The following SRPRA variants were observed in gnomAD, a reference collection of about 807,000 sequenced individuals.
SRPRA encodes signal recognition particle receptor subunit alpha.
A neutral mutation model predicts 61.1 loss-of-function variants in SRPRA; 30 were observed. The ratio of observed to expected loss-of-function variants is 0.49; its 90% CI spans 0.37 to 0.67. The LOEUF (loss-of-function observed/expected upper bound fraction) is 0.67, where lower values mean the gene tolerates loss of function less well. Ranked by LOEUF, SRPRA falls within the 30% of genes least tolerant of loss-of-function variation. The pLI is 0.00. For missense variants in SRPRA, 759 were observed against 828.4 expected (o/e 0.92, Z 1.03); for synonymous variants, 324 against 299.7 (o/e 1.08, Z -0.84).
Position 126,268,884 on chromosome 11 carries a change from G to C in SRPRA, c.-80C>G. On this transcript the variant is annotated 5_prime_UTR_variant, in exon 1 of 14. Coordinates refer to ENST00000332118, the MANE Select transcript of SRPRA (RefSeq NM_003139.4). The stretch of plus-strand genomic sequence containing the variant: ...CGCCGCTTCCTGCTGCGCCAAGCGC[G>C]GGACACGTCACACCAGTGGCCCCGG... The C allele has an allele frequency of 8.3e-7, 1 of 1,201,544 alleles. No individual in the cohort carries two copies. The highest frequency in any genetic ancestry group is 1.2e-6 in the Non-Finnish European group (1 of 816,014). The allele number at this position is 1,201,544 out of a possible 1,614,324, so 74.4% of individuals were successfully genotyped here.
At position 126,267,191 on chromosome 11, in the gene SRPRA, CT is replaced by C. The variant is rs759316828; in HGVS notation, c.509del (p.Lys170ArgfsTer33). ...CAAACTTGCCTTCCTTCTTGGCCCC[CT>C]TTTTTTTGCTATTCTTTGCTTTTTC... is the stretch of plus-strand genomic sequence containing the variant. ...PKEKAKNSKK[K>X]GAKKEGSDGP... On this transcript the variant is annotated frameshift_variant, in exon 4 of 14. Transcript: ENST00000332118. LOFTEE classifies it high-confidence loss of function. The surrounding 1 kb of genome is among the most constrained non-coding windows in gnomAD (Gnocchi z 4.2). 5 of 1,612,548 alleles carry C rather than the reference CT, an allele frequency of 3.1e-6. No homozygotes were observed. Among genetic ancestry groups the C allele is most frequent in the Admixed American group, 1.7e-5 (1 of 59,920 alleles).
At chr11:126,251,433 C>T in the SRPRA span, among the ~76,000 whole-genome samples, 1 of 152,148 alleles carries the variant, frequency 6.6e-6, no homozygotes, top group Admixed American at 6.6e-5. Context: ...CAGTATTGCC[C>T]CTGCCAGAGT....
At chr11:126,243,661 T>C in the SRPRA span, among the ~76,000 whole-genome samples, 1 of 152,044 alleles carries the variant, frequency 6.6e-6, no homozygotes, top group Non-Finnish European at 1.5e-5. Context: ...CCTAGCACTT[T>C]GGGAAGCCAA....
At position 126,267,235 on chromosome 11, in the gene SRPRA, G is replaced by T; in HGVS notation, c.466C>A (p.Arg156=). The T allele has an allele frequency of 1.9e-6, 3 of 1,613,770 alleles. No homozygotes were observed. The highest frequency in any genetic ancestry group is 2.5e-6 in the Non-Finnish European group (3 of 1,180,000). ...KKPVRSMIET[R]GEKPKEKAKN... is the part of the protein sequence containing the mutation. ...GCTTTTTCCTTGGGCTTTTCCCCCC[G>T]TGTCTCAATCATGGACCTCACAGGT... Residue 156 remains arginine (R), a synonymous_variant, in exon 4 of 14, where the codon CGG becomes AGG. Transcript: ENST00000332118. The surrounding 1 kb of genome is among the most constrained non-coding windows in gnomAD (Gnocchi z 4.2).
chr11:126,254,160 T>C, the SRPRA span: 1 of 930,514 alleles, frequency 1.1e-6, no homozygotes, highest in Admixed American at 2.9e-5. Context: ...TTAGACCACA[T>C]CAGGTTTTGC....
chr11:126,249,724 T>C, the SRPRA span, among the ~76,000 whole-genome samples: 3 of 88,384 alleles, frequency 3.4e-5, no homozygotes, highest in Admixed American at 1.9e-4. Context: ...AGAATGAGAC[T>C]CCGTCTCAAA....
Position 126,264,115 on chromosome 11 carries a change from G to A in SRPRA, c.1789-71C>T, listed in dbSNP as rs948469441. On this transcript the variant is annotated intron_variant, in intron 13 of 13. Coordinates refer to ENST00000332118, the MANE Select transcript of SRPRA (RefSeq NM_003139.4). The surrounding 1 kb of genome is among the most constrained non-coding windows in gnomAD (Gnocchi z 5.0). ...ACTCACCCTCTCAGGAACAGGAAGC[G>A]CTGGAGCCAAGATTTCCTTGCAGCC... 7.4e-6 allele frequency: 12 copies of A among 1,612,174 alleles called. No individual in the cohort carries two copies. The South Asian group carries it at 8.8e-5, about 12-fold the overall frequency.
chr11:126,261,269 C>A, downstream of SRPRA: 1 of 618,834 alleles, frequency 1.6e-6, no homozygotes, highest in Non-Finnish European at 2.8e-6. Flanking sequence ...CCAGTTTATC[C>A]TCTCTGCCTC....
At chr11:126,237,868 A>G in the SRPRA span, among the ~76,000 whole-genome samples, 6 of 150,672 alleles carry the variant, frequency 4.0e-5, no homozygotes, top group Non-Finnish European at 8.9e-5. Flanking sequence ...AAAAAAAAAA[A>G]AAAAAGAAAA....
the SRPRA span, among the ~76,000 whole-genome samples, chr11:126,257,898 TGCAG>T: frequency 6.6e-6 from 1 of 152,180 alleles, no homozygotes; most frequent in South Asian, 2.1e-4. Flanking sequence ...GATTAGTGGC[TGCAG>T]GCAAATTCCC....
the SRPRA span, chr11:126,256,536 A>C: frequency 1.2e-6 from 2 of 1,603,048 alleles, no homozygotes; most frequent in Non-Finnish European, 8.5e-7. The surrounding 1 kb of genome is among the most constrained non-coding windows in gnomAD (Gnocchi z 6.6). Context: ...GTGTCTTCAC[A>C]ATGTCAATAT....
At chr11:126,257,440 G>T in the SRPRA span, among the ~76,000 whole-genome samples, 1 of 152,010 alleles carries the variant, frequency 6.6e-6, no homozygotes, top group Non-Finnish European at 1.5e-5. Context: ...AATTGGTGGA[G>T]ATTCTACAGA....
At position 126,266,007 on chromosome 11, in the gene SRPRA, T is replaced by C; in HGVS notation, c.1007A>G (p.Glu336Gly). ...GLVGSKSLSR[E>G]DMESVLDKMR... Reference sequence around the variant, plus strand: ...CTTGTCCAGCACAGATTCCATGTCTTCACGACTCAAGCTCTTTGAACCCAC... The same window carrying C: ...CTTGTCCAGCACAGATTCCATGTCTCCACGACTCAAGCTCTTTGAACCCAC... The change falls in exon 8 of 14, where the codon GAA becomes GGA. Residue 336 changes from glutamate to glycine, a missense_variant. Physicochemically the swap from Glu to Gly is moderately conservative, Grantham distance 98 (BLOSUM62 -2). Coordinates refer to ENST00000332118, the MANE Select transcript of SRPRA (RefSeq NM_003139.4). 1.2e-6 allele frequency: 2 copies of C among 1,614,178 alleles called. No homozygotes were observed. Among genetic ancestry groups the C allele is most frequent in the Non-Finnish European group, 1.7e-6 (2 of 1,180,042 alleles).
At position 126,267,955 on chromosome 11, in the gene SRPRA, C is replaced by G. The variant is rs776859719; in HGVS notation, c.201+48G>C. 51 of 1,575,038 alleles carry G rather than the reference C, an allele frequency of 3.2e-5. 1 individual carries two copies. The South Asian group carries it at 5.4e-4, about 17-fold the overall frequency. On this transcript the variant is annotated intron_variant, in intron 2 of 13. Coordinates refer to ENST00000332118, the MANE Select transcript of SRPRA (RefSeq NM_003139.4). The surrounding 1 kb of genome is among the most constrained non-coding windows in gnomAD (Gnocchi z 4.2). ...AATTAATCAGAGTTCTCTTAAAAAT[C>G]AGGGCTATGTTAACAATGCAATCGT... is the stretch of plus-strand genomic sequence containing the variant.
Position 126,263,764 on chromosome 11 carries a change from C to G in SRPRA, c.*152G>C, listed in dbSNP as rs559929806. The G allele has an allele frequency of 1.9e-6, 2 of 1,076,784 alleles. No homozygotes were observed. The highest frequency in any genetic ancestry group is 2.7e-6 in the Non-Finnish European group (2 of 748,508). 66.7% of individuals were successfully genotyped at this position (1,076,784 alleles called of 1,614,324 possible). A position where few individuals can be genotyped will look rare whatever the true frequency, so the allele number is the denominator to read the frequency against. Reference sequence around the variant, plus strand: ...CCTTGCAGATGGCGGCTGTGCTGAACGGGGAGTGGGGTTGGAAGGAGCCAC... The same window carrying G: ...CCTTGCAGATGGCGGCTGTGCTGAAGGGGGAGTGGGGTTGGAAGGAGCCAC... On this transcript the variant is annotated 3_prime_UTR_variant, in exon 14 of 14. Coordinates refer to ENST00000332118, the MANE Select transcript of SRPRA (RefSeq NM_003139.4).
At chr11:126,238,972 C>CTTTT in the SRPRA span, among the ~76,000 whole-genome samples, 1 of 129,878 alleles carries the variant, frequency 7.7e-6, no homozygotes, top group Non-Finnish European at 1.6e-5. Context: ...AAGTGGAAGT[C>CTTTT]TTTTTTTTTT....
At chr11:126,238,437 T>C in the SRPRA span, among the ~76,000 whole-genome samples, 1 of 152,200 alleles carries the variant, frequency 6.6e-6, no homozygotes, top group Non-Finnish European at 1.5e-5. Flanking sequence ...AGGTTTTTCA[T>C]CTCATACTGG....
At chr11:126,236,374 CTCTGCTAACATCTAAGTAT>C in the SRPRA span, among the ~76,000 whole-genome samples, 2 of 152,324 alleles carry the variant, frequency 1.3e-5, no homozygotes, top group East Asian at 3.9e-4. Context: ...CTCATTCATA[CTCTGCTAACATCTAAGTAT>C]TCCTGCCAAA....
At chr11:126,240,723 C>T in the SRPRA span, 6 of 1,451,506 alleles carry the variant, frequency 4.1e-6, no homozygotes, top group East Asian at 1.1e-4. Context: ...TAACCTGAGT[C>T]AGACAGTCTT....
Sources: allele counts gnomAD v4.1 joint callset (sites outside exome capture counted in the v4.1 genomes callset), GRCh38; gene constraint gnomAD v4.1.1; non-coding constraint Gnocchi (gnomAD v3.1); transcripts MANE v1.5; gene names NCBI Gene and HGNC (gene_info 2026-07-23, HGNC 2026-07-21).